Variants in DNM3 observed in about 807,000 individuals in gnomAD.
DNM3 encodes the protein dynamin-3.
In DNM3, 47 loss-of-function variants were observed where a neutral mutation model predicts 101.6. The ratio of observed to expected loss-of-function variants is 0.46; its 90% CI spans 0.37 to 0.59. The LOEUF is 0.59. DNM3 is among the 20% of genes least tolerant of loss of function. The probability of loss-of-function intolerance (pLI) is 0.00; values close to 1 mark genes in which losing one functional copy is unlikely to be tolerated. For missense variants in DNM3, 849 were observed against 1,085.7 expected (o/e 0.78, Z 3.06); for synonymous variants, 385 against 387.9 (o/e 0.99, Z 0.09).
In DNM3 at chr1:172,101,671, A is replaced by G. The variant is rs1385327024; in HGVS notation, c.1545+8796A>G. Among the ~76,000 whole-genome samples the G allele has an allele frequency of 2.0e-5, 3 of 152,266 alleles. No homozygotes were observed. The East Asian group carries it at 5.8e-4, about 29-fold the overall frequency. ...GGAAAACTGAGGCATGGAGAGGCAA[A>G]GTAACTTGCCCAGTCACACAGATCA... On this transcript the variant is annotated intron_variant, in intron 13 of 20. Transcript: ENST00000627582.
chr1:172,010,679 G>T (rs2047059575), intron 4 of DNM3, among the ~76,000 whole-genome samples: 1 of 36,840 alleles, frequency 2.7e-5, no homozygotes, highest in Non-Finnish European at 4.5e-5. Flanking sequence ...GCCTTGGTAT[G>T]TTTTGTGTGT....
At position 172,112,591 on chromosome 1, in the gene DNM3, C is replaced by A. The variant is rs948468379; in HGVS notation, c.1546-18584C>A. 2.0e-5 allele frequency among the ~76,000 whole-genome samples: 3 copies of A among 152,148 alleles called. No individual in the cohort carries two copies. In the South Asian group the frequency reaches 6.2e-4, roughly 32 times the overall value. On this transcript the variant is annotated intron_variant, in intron 13 of 20. Coordinates refer to ENST00000627582, the MANE Select transcript of DNM3 (RefSeq NM_015569.5). The stretch of plus-strand genomic sequence containing the variant: ...GTATGTGCCATTCCTGAAAACATAA[C>A]CAATTCCTGAATGTCAAAGGAATTG...
intron 13 of DNM3, among the ~76,000 whole-genome samples, chr1:172,115,929 C>G (rs571881803): frequency 6.6e-6 from 1 of 152,012 alleles, no homozygotes; most frequent in African/African-American, 2.4e-5. Context: ...CAACTCTACC[C>G]CAACTGGAGA....
chr1:172,377,846 T>C (rs1403497947), intron 17 of DNM3, among the ~76,000 whole-genome samples: 1 of 151,962 alleles, frequency 6.6e-6, no homozygotes, highest in Non-Finnish European at 1.5e-5. Context: ...CCTATATAAA[T>C]GATTAGAACC....
At chr1:172,036,347 A>C (rs1053019635) in intron 6 of DNM3, among the ~76,000 whole-genome samples, 4 of 151,846 alleles carry the variant, frequency 2.6e-5, no homozygotes, top group Admixed American at 2.0e-4. Context: ...ATCATTTTTT[A>C]TGGCTGCATA....
In DNM3 at chr1:172,273,109, A is replaced by G. The variant is rs994275365; in HGVS notation, c.1769+19427A>G. On this transcript the variant is annotated intron_variant, in intron 15 of 20. Transcript: ENST00000627582. ...TTGCAAAAGACAATAGGTAAATTAT[A>G]TACATATGTTAAAAAATAAGAGAAA... 2.0e-5 allele frequency among the ~76,000 whole-genome samples: 3 copies of G among 152,250 alleles called. 1 individual carries two copies. The highest frequency in any genetic ancestry group is 4.1e-4 in the South Asian group (2 of 4,826).
chr1:172,349,545 GTTA>G (rs944627342), intron 17 of DNM3, among the ~76,000 whole-genome samples: 166 of 152,186 alleles, frequency 1.1e-3, no homozygotes, highest in African/African-American at 3.7e-3. Flanking sequence ...CTTGGACCTA[GTTA>G]TTATTAATTT....
At chr1:172,326,460 G>T (rs758472131) in intron 17 of DNM3, among the ~76,000 whole-genome samples, 2 of 152,122 alleles carry the variant, frequency 1.3e-5, no homozygotes, top group East Asian at 3.9e-4. Context: ...TACAGAAACA[G>T]GGAGGTTATT....
intron 17 of DNM3, among the ~76,000 whole-genome samples, chr1:172,352,498 G>A (rs1214351363): frequency 6.6e-6 from 1 of 151,972 alleles, no homozygotes; most frequent in African/African-American, 2.4e-5. Flanking sequence ...ATAAGCCTCA[G>A]GGAAAATAAA....
At chr1:172,064,555 T>C (rs1030769728) in intron 10 of DNM3, among the ~76,000 whole-genome samples, 1 of 152,142 alleles carries the variant, frequency 6.6e-6, no homozygotes, top group Non-Finnish European at 1.5e-5. Context: ...GATAATGAAA[T>C]GAGTGGTAGA....
chr1:172,223,031 G>T (rs1230893843), intron 14 of DNM3, among the ~76,000 whole-genome samples: 1 of 151,828 alleles, frequency 6.6e-6, no homozygotes, highest in Non-Finnish European at 1.5e-5. Flanking sequence ...GTTCAAATCG[G>T]GGTAATTAGT....
chr1:172,039,913 AATT>A (rs2049250343), intron 7 of DNM3, among the ~76,000 whole-genome samples: 1 of 152,092 alleles, frequency 6.6e-6, no homozygotes, highest in East Asian at 1.9e-4. Context: ...AAATTAACAC[AATT>A]TAACACAATT....
At chr1:172,209,395 C>A (rs1285334609) in intron 14 of DNM3, among the ~76,000 whole-genome samples, 1 of 151,878 alleles carries the variant, frequency 6.6e-6, no homozygotes, top group East Asian at 1.9e-4. Flanking sequence ...GTAGCCCTAG[C>A]AAAATAATAC....
chr1:172,182,143 A>C (rs1280680737), intron 14 of DNM3, among the ~76,000 whole-genome samples: 1 of 151,802 alleles, frequency 6.6e-6, no homozygotes, highest in Non-Finnish European at 1.5e-5. Context: ...TGGGACGTGA[A>C]GTCTGGTCAA....
At chr1:171,909,186 A>G (rs2039080312) in intron 1 of DNM3, among the ~76,000 whole-genome samples, 1 of 152,148 alleles carries the variant, frequency 6.6e-6, no homozygotes, top group Non-Finnish European at 1.5e-5. Flanking sequence ...CACGCCTGTA[A>G]TGTCAGCACT....
chr1:172,269,887 T>C (rs1325040144), intron 15 of DNM3, among the ~76,000 whole-genome samples: 1 of 152,078 alleles, frequency 6.6e-6, no homozygotes, highest in African/African-American at 2.4e-5. Flanking sequence ...ATAAGCAGGA[T>C]TGCGAAAATA....
At chr1:172,292,601 TCA>T (rs3079013) in intron 15 of DNM3, among the ~76,000 whole-genome samples, 15,919 of 148,644 alleles carry the variant, frequency 0.11, 1,174 homozygotes, top group African/African-American at 0.22. Context: ...ATAGAAGACT[TCA>T]CACACACACA....
rs3736790 is a variant in DNM3, at chr1:171,987,663, C to T, written c.243C>T (p.Ala81=). ...LQLVTSKAEY[A]EFLHCKGKKF... is the part of the protein sequence containing the mutation. ...TTGGTTTTATTTTTGTAGAATATGCCGAGTTTCTACATTGCAAAGGAAAGA... is the reference window on the plus strand; with the variant it reads ...TTGGTTTTATTTTTGTAGAATATGCTGAGTTTCTACATTGCAAAGGAAAGA... Residue 81 remains alanine (A), a synonymous_variant, in exon 3 of 21, where the codon GCC becomes GCT. Coordinates refer to ENST00000627582, the MANE Select transcript of DNM3 (RefSeq NM_015569.5). 0.19 allele frequency: 298,266 copies of T among 1,567,048 alleles called. 36,969 individuals are homozygous for T. The highest frequency in any genetic ancestry group is 0.64 in the African/African-American group (46,574 of 72,788).
intron 10 of DNM3, 55 bp from the exon 11 acceptor site, chr1:172,068,764 T>G: frequency 2.1e-6 from 3 of 1,405,308 alleles, no homozygotes; most frequent in Non-Finnish European, 3.0e-6. Flanking sequence ...CTCTGCTTCT[T>G]TTTTGGTAGT....
Sources: allele counts gnomAD v4.1 joint callset (sites outside exome capture counted in the v4.1 genomes callset), GRCh38; gene constraint gnomAD v4.1.1; transcripts MANE v1.5; gene names NCBI Gene and HGNC (gene_info 2026-07-23, HGNC 2026-07-21).